Variants in MARCHF7 observed in about 807,000 individuals in gnomAD.
MARCHF7 encodes membrane associated ring-CH-type finger 7, also known as E3 ubiquitin-protein ligase MARCHF7.
A neutral mutation model predicts 76.5 loss-of-function variants in MARCHF7; 20 were observed. The observed-to-expected ratio is 0.26, with a 90% CI of 0.18 to 0.38. The LOEUF (loss-of-function observed/expected upper bound fraction) is 0.38, where lower values mean the gene tolerates loss of function less well. Among genes scored for constraint, MARCHF7 ranks in the 10% least tolerant of loss-of-function variants. The probability of loss-of-function intolerance (pLI) is 1.00; values close to 1 mark genes in which losing one functional copy is unlikely to be tolerated. For synonymous variants in MARCHF7, 295 were observed against 293.0 expected, an observed-to-expected ratio of 1.01 and a Z score of -0.07; for missense variants, 797 against 812.9, an observed-to-expected ratio of 0.98 and a Z score of 0.24.
intron 3 of MARCHF7, among the ~76,000 whole-genome samples, chr2:159,716,044 T>C (rs970510786): frequency 3.3e-5 from 5 of 152,150 alleles, no homozygotes; most frequent in African/African-American, 7.2e-5. Context: ...TATTTTCTCA[T>C]GGGATGTTAA....
rs1708115659 is a variant in MARCHF7 at position 159,770,658 on chromosome 2, A to G, written c.*3316A>G. 6.6e-6 allele frequency: 1 copy of G among 152,136 alleles called. No homozygotes were observed. The highest frequency in any genetic ancestry group is 2.4e-5 in the African/African-American group (1 of 41,412). 9.4% of individuals were successfully genotyped at this position (152,136 alleles called of 1,614,324 possible). ...TAGAACAGTGTTTCCTTAGTAGACC[A>G]TATTTTTACTGTACCTTTTCTATAT... On this transcript the variant is annotated 3_prime_UTR_variant, in exon 12 of 12. Coordinates refer to ENST00000409175, the MANE Select transcript of MARCHF7 (RefSeq NM_001282805.2).
chr2:159,720,096 G>A (rs1701470457), intron 3 of MARCHF7, among the ~76,000 whole-genome samples: 1 of 152,080 alleles, frequency 6.6e-6, no homozygotes, highest in Admixed American at 6.5e-5. Context: ...TGCCATCTCG[G>A]CTCACTGCAA....
intron 6 of MARCHF7, among the ~76,000 whole-genome samples, chr2:159,747,029 A>AT (rs1249508170): frequency 1.3e-5 from 2 of 152,198 alleles, no homozygotes. Flanking sequence ...AAAGCTCCAT[A>AT]TATCAGCAGA....
At chr2:159,715,419 C>G (rs1338648603) in intron 2 of MARCHF7, among the ~76,000 whole-genome samples, 1 of 151,998 alleles carries the variant, frequency 6.6e-6, no homozygotes, top group Non-Finnish European at 1.5e-5. Flanking sequence ...GTTTTTTAGG[C>G]TGCTGCAGCC....
At chr2:159,753,596 C>A (rs1441746627) in intron 8 of MARCHF7, among the ~76,000 whole-genome samples, 1 of 151,506 alleles carries the variant, frequency 6.6e-6, no homozygotes, top group African/African-American at 2.4e-5. Context: ...GAAGTTAGTT[C>A]GTGCAAGACT....
rs760367896 is a variant in MARCHF7, at chr2:159,762,808, G to GT, written c.1894-71dup. On this transcript the variant is annotated intron_variant, in intron 9 of 11. Coordinates refer to ENST00000409175, the MANE Select transcript of MARCHF7 (RefSeq NM_001282805.2). ...CCTCTAGTTTATCAGTGTACTGTGA[G>GT]TATCAATCTCAATTCTACTAATTTT... 9.5e-4 allele frequency: 786 copies of GT among 828,508 alleles called. 7 individuals carry two copies. The highest frequency in any genetic ancestry group is 4.6e-4 in the Non-Finnish European group (235 of 509,062). The allele number at this position is 828,508 out of a possible 1,614,324, so 51.3% of individuals were successfully genotyped here. A position where few individuals can be genotyped will look rare whatever the true frequency, so the allele number is the denominator to read the frequency against.
Position 159,724,312 on chromosome 2 carries a change from C to T in MARCHF7, c.-14-4697C>T, listed in dbSNP as rs945296107. ...AACTTATAGGATCTTCCCATTACTT[C>T]TGGTTTTCTGCAGTTTCAAGATGGT... On this transcript the variant is annotated intron_variant, in intron 3 of 11. Transcript: ENST00000409175. Among the ~76,000 whole-genome samples, 3 of 152,264 alleles carry T rather than the reference C, an allele frequency of 2.0e-5. No individual in the cohort carries two copies. The South Asian group carries it at 6.2e-4, about 32-fold the overall frequency.
chr2:159,712,646 C>A (rs1043836226), intron 1 of MARCHF7, 40 bp downstream of exon 1: 1 of 152,448 alleles, frequency 6.6e-6, no homozygotes, highest in Admixed American at 6.5e-5. Context: ...TGGTCGGTGC[C>A]GGCTCAGGAG....
intron 9 of MARCHF7, among the ~76,000 whole-genome samples, chr2:159,761,708 G>A (rs1370615681): frequency 6.6e-6 from 1 of 152,056 alleles, no homozygotes; most frequent in African/African-American, 2.4e-5. Context: ...CACCGCACAT[G>A]GCCTCAAATT....
chr2:159,726,175 G>T (rs922966277), intron 3 of MARCHF7, among the ~76,000 whole-genome samples: 1 of 152,154 alleles, frequency 6.6e-6, no homozygotes, highest in African/African-American at 2.4e-5. Flanking sequence ...TAGGGGAATG[G>T]AACTGGGGAA....
intron 4 of MARCHF7, among the ~76,000 whole-genome samples, chr2:159,731,597 A>C (rs1293304853): frequency 6.6e-6 from 1 of 151,382 alleles, no homozygotes; most frequent in Non-Finnish European, 1.5e-5. Flanking sequence ...TCTACTAAAA[A>C]GACAAAATTA....
At chr2:159,758,717 T>C (rs4637063) in intron 8 of MARCHF7, among the ~76,000 whole-genome samples, 33 of 152,304 alleles carry the variant, frequency 2.2e-4, no homozygotes, top group African/African-American at 7.2e-4. Context: ...TGGACAAGGG[T>C]GGGGTCCCTT....
At chr2:159,712,679 T>C (rs942629526) in intron 1 of MARCHF7, 73 bp downstream of exon 1, 5 of 152,164 alleles carry the variant, frequency 3.3e-5, no homozygotes, top group African/African-American at 9.7e-5. Flanking sequence ...GCTGCGGAGC[T>C]AGTTCTTCTC....
intron 4 of MARCHF7, among the ~76,000 whole-genome samples, chr2:159,736,670 A>G (rs1473488680): frequency 6.6e-6 from 1 of 152,248 alleles, no homozygotes; most frequent in Non-Finnish European, 1.5e-5. Flanking sequence ...TAGTAATAGT[A>G]AATGATTTCA....
At chr2:159,760,231 T>A (rs1341222634) in intron 9 of MARCHF7, among the ~76,000 whole-genome samples, 5 of 152,228 alleles carry the variant, frequency 3.3e-5, no homozygotes, top group Non-Finnish European at 7.3e-5. Flanking sequence ...TGAACCACTT[T>A]TTTTTAAATG....
At chr2:159,752,952 A>G (rs1298617145) in intron 8 of MARCHF7, among the ~76,000 whole-genome samples, 1 of 152,214 alleles carries the variant, frequency 6.6e-6, no homozygotes, top group African/African-American at 2.4e-5. Flanking sequence ...AATTACGATT[A>G]TAGGCTACTG....
At chr2:159,752,098 C>T (rs570921639) in intron 7 of MARCHF7, among the ~76,000 whole-genome samples, 4 of 152,312 alleles carry the variant, frequency 2.6e-5, no homozygotes, top group South Asian at 2.1e-4. Flanking sequence ...AGATCTTAAA[C>T]TGTCATTTGC....
intron 8 of MARCHF7, among the ~76,000 whole-genome samples, chr2:159,755,395 T>C (rs1706170722): frequency 6.6e-6 from 1 of 152,122 alleles, no homozygotes; most frequent in African/African-American, 2.4e-5. Context: ...ACCAAGGATT[T>C]AGTTGGCAAA....
chr2:159,730,352 TTA>T (rs748250871), intron 4 of MARCHF7, among the ~76,000 whole-genome samples: 32 of 152,184 alleles, frequency 2.1e-4, no homozygotes, highest in Non-Finnish European at 3.2e-4. Context: ...TGTTAAGTAT[TTA>T]TATATTTATA....
Sources: gnomAD v4.1 joint callset for allele counts (sites outside exome capture counted in the v4.1 genomes callset) on GRCh38, gnomAD v4.1.1 for gene constraint, MANE v1.5 for transcripts, NCBI Gene and HGNC (gene_info 2026-07-23, HGNC 2026-07-21) for gene names.